CEP89: variants seen among roughly 807,000 people sequenced by gnomAD.
The protein encoded by CEP89 is centrosomal protein 89.
A neutral mutation model predicts 97.6 loss-of-function variants in CEP89; 95 were observed. That is an observed-to-expected ratio of 0.97 (90% CI 0.82 to 1.15). CEP89 has a LOEUF of 1.15. Among genes scored for constraint, CEP89 ranks in the 50% most tolerant of loss-of-function variants. The pLI, the probability that CEP89 is intolerant of heterozygous loss-of-function variation, is 0.00. For synonymous variants in CEP89, 354 were observed against 349.1 expected, an observed-to-expected ratio of 1.01 and a Z score of -0.16; for missense variants, 869 against 947.7, an observed-to-expected ratio of 0.92 and a Z score of 1.09.
At chr19:32,961,073 G>A (rs904589013) in intron 2 of CEP89, among the ~76,000 whole-genome samples, 1 of 152,182 alleles carries the variant, frequency 6.6e-6, no homozygotes, top group Non-Finnish European at 1.5e-5. Context: ...CCAGACAGTG[G>A]AGGAAGAACC....
Position 32,879,368 on chromosome 19 carries a change from C to T in CEP89, c.2146G>A (p.Gly716Ser). ...QALQQNREME[G>S]ELEVIWESTF... ...GATTCCCAAATAACTTCAAGTTCACCTTCCATTTCTCTGAGGGAAATAAGT... is the reference window on the plus strand; with the variant it reads ...GATTCCCAAATAACTTCAAGTTCACTTTCCATTTCTCTGAGGGAAATAAGT... Residue 716 changes from glycine to serine, a missense_variant, in exon 19 of 19, where the codon GGT becomes AGT. Transcript: ENST00000305768. 6.2e-7 allele frequency: 1 copy of T among 1,613,684 alleles called. No homozygotes were observed. Among genetic ancestry groups the T allele is most frequent in the Non-Finnish European group, 8.5e-7 (1 of 1,179,550 alleles).
intron 15 of CEP89, among the ~76,000 whole-genome samples, chr19:32,900,314 T>A (rs1031281577): frequency 2.0e-5 from 3 of 150,766 alleles, no homozygotes; most frequent in African/African-American, 7.3e-5. Context: ...GGCATGATCA[T>A]GGCTCACTGT....
intron 14 of CEP89, among the ~76,000 whole-genome samples, chr19:32,913,680 C>T (rs1258191940): frequency 6.6e-6 from 1 of 151,590 alleles, no homozygotes; most frequent in African/African-American, 2.4e-5. Context: ...CTCTTGTCCC[C>T]CAGGCTGGAG....
chr19:32,935,666 T>C (rs1599756607), intron 7 of CEP89, among the ~76,000 whole-genome samples: 1 of 152,108 alleles, frequency 6.6e-6, no homozygotes, highest in East Asian at 1.9e-4. Flanking sequence ...TTCAGAGCAG[T>C]GACACTGATG....
Position 32,951,530 on chromosome 19 carries a change from T to TACAC in CEP89, c.492+2084_492+2085insGTGT, listed in dbSNP as rs1161229765. Reference sequence around the variant, plus strand: ...AAAAAATTATATATATATATATATATATATACACACACACACACACACACA... The same window carrying TACAC: ...AAAAAATTATATATATATATATATATACACATATACACACACACACACACACACA... On this transcript the variant is annotated intron_variant, in intron 4 of 18. Transcript: ENST00000305768. Among the ~76,000 whole-genome samples, 551 of 107,386 alleles carry TACAC rather than the reference T, an allele frequency of 5.1e-3. 5 individuals are homozygous for TACAC. The highest frequency in any genetic ancestry group is 0.029 in the East Asian group (110 of 3,840). The allele number at this position is 107,386 out of a possible 152,430, so 70.4% of individuals were successfully genotyped here. A position where few individuals can be genotyped will look rare whatever the true frequency, so the allele number is the denominator to read the frequency against.
chr19:32,966,086 C>G (rs1971277096), intron 2 of CEP89: 1 of 327,804 alleles, frequency 3.1e-6, no homozygotes, highest in East Asian at 4.7e-5. Context: ...AATACTTGGG[C>G]TTTAATGCTT....
chr19:32,969,708 G>C (rs1233959200), intron 1 of CEP89: 1 of 152,432 alleles, frequency 6.6e-6, no homozygotes, highest in Non-Finnish European at 1.5e-5. Context: ...ACTTGGAAGA[G>C]GCAGGGCTCC....
intron 14 of CEP89, among the ~76,000 whole-genome samples, chr19:32,910,635 T>C (rs1310886210): frequency 1.3e-5 from 2 of 152,246 alleles, no homozygotes; most frequent in Non-Finnish European, 2.9e-5. Context: ...TATTTTCTAA[T>C]TTTATATTCT....
rs749255546 is a variant in CEP89, at chr19:32,953,604, A to G, written c.492+11T>C. On this transcript the variant is annotated intron_variant, in intron 4 of 18. Transcript: ENST00000305768. ...GAATGTCAAGAAGAAAACTGGGAACATAGAAAACACCTGATTTCTGTGTGG... is the reference window on the plus strand; with the variant it reads ...GAATGTCAAGAAGAAAACTGGGAACGTAGAAAACACCTGATTTCTGTGTGG... The G allele has an allele frequency of 1.5e-5, 24 of 1,586,440 alleles. No individual in the cohort carries two copies. The highest frequency in any genetic ancestry group is 1.7e-5 in the Non-Finnish European group (20 of 1,163,270).
intron 16 of CEP89, among the ~76,000 whole-genome samples, chr19:32,896,671 A>C (rs1374843204): frequency 6.6e-6 from 1 of 152,180 alleles, no homozygotes; most frequent in Non-Finnish European, 1.5e-5. Context: ...CAATAGAATG[A>C]AGAGACAACC....
At chr19:32,956,537 G>A (rs2145963909) in intron 3 of CEP89, among the ~76,000 whole-genome samples, 1 of 151,632 alleles carries the variant, frequency 6.6e-6, no homozygotes, top group African/African-American at 2.4e-5. Context: ...GATGATTTTT[G>A]TATTTTTTTG....
At chr19:32,934,621 G>A (rs1241398339) in intron 7 of CEP89, among the ~76,000 whole-genome samples, 1 of 152,190 alleles carries the variant, frequency 6.6e-6, no homozygotes, top group Non-Finnish European at 1.5e-5. Flanking sequence ...CAAAAGGTGA[G>A]GCTCAGAAAT....
intron 17 of CEP89, among the ~76,000 whole-genome samples, chr19:32,883,662 G>C (rs532301510): frequency 6.6e-6 from 1 of 152,252 alleles, no homozygotes; most frequent in African/African-American, 2.4e-5. Flanking sequence ...GCGACAAAGT[G>C]AGACTCTGTC....
At chr19:32,915,696 G>A (rs1403080274) in intron 13 of CEP89, among the ~76,000 whole-genome samples, 179 bp from the exon 14 acceptor site, 1 of 151,614 alleles carries the variant, frequency 6.6e-6, no homozygotes, top group Non-Finnish European at 1.5e-5. Flanking sequence ...TGAGGCGGGT[G>A]GATCACGAGG....
At chr19:32,970,165 T>C (rs566424846) in intron 1 of CEP89, 1 of 152,440 alleles carries the variant, frequency 6.6e-6, no homozygotes, top group East Asian at 1.9e-4. Context: ...AATTCTTTCC[T>C]TACTCCCTGC....
intron 5 of CEP89, among the ~76,000 whole-genome samples, chr19:32,946,116 G>A (rs1207976058): frequency 6.6e-6 from 1 of 152,042 alleles, no homozygotes; most frequent in East Asian, 1.9e-4. Context: ...ATTATTTTTA[G>A]AGACAGGGTC....
At chr19:32,883,924 C>T (rs1969339358) in intron 17 of CEP89, among the ~76,000 whole-genome samples, 1 of 152,154 alleles carries the variant, frequency 6.6e-6, no homozygotes, top group Admixed American at 6.5e-5. Flanking sequence ...CTGTAGTCTA[C>T]ACTTCATAAA....
At chr19:32,956,370 A>C (rs548057613) in intron 3 of CEP89, among the ~76,000 whole-genome samples, 115 of 143,858 alleles carry the variant, frequency 8.0e-4, no homozygotes, top group Non-Finnish European at 1.4e-3. Context: ...TTCTTTTTTT[A>C]TTTTTGTTTT....
At chr19:32,951,761 T>G (rs1404407588) in intron 4 of CEP89, among the ~76,000 whole-genome samples, 1 of 151,990 alleles carries the variant, frequency 6.6e-6, no homozygotes, top group East Asian at 1.9e-4. Context: ...ATTTAAAAAT[T>G]TTCCTACTAC....
Sources: gnomAD v4.1 joint callset for allele counts (sites outside exome capture counted in the v4.1 genomes callset) on GRCh38, gnomAD v4.1.1 for gene constraint, MANE v1.5 for transcripts, NCBI Gene and HGNC (gene_info 2026-07-23, HGNC 2026-07-21) for gene names.